The following ABLIM3 variants were observed in gnomAD, a reference collection of about 807,000 sequenced individuals.
ABLIM3 encodes actin-binding LIM protein 3.
In ABLIM3, 61 loss-of-function variants were observed where a neutral mutation model predicts 109.5. The ratio of observed to expected loss-of-function variants is 0.56; its 90% CI spans 0.45 to 0.69. The LOEUF (loss-of-function observed/expected upper bound fraction) is 0.69, where lower values mean the gene tolerates loss of function less well. Among genes scored for constraint, ABLIM3 ranks in the 30% least tolerant of loss-of-function variants. The pLI is 0.00. For missense variants in ABLIM3, 796 were observed against 889.5 expected (o/e 0.89, Z 1.34); for synonymous variants, 300 against 324.8 (o/e 0.92, Z 0.82).
chr5:149,155,464 T>C (rs548970792), intron 2 of ABLIM3, among the ~76,000 whole-genome samples: 2 of 152,230 alleles, frequency 1.3e-5, no homozygotes, highest in East Asian at 3.9e-4. Context: ...AGATAAACCA[T>C]GGCGGGTGCT....
chr5:149,210,837 A>T lies in ABLIM3; in HGVS notation c.669+18A>T. The T allele has an allele frequency of 6.2e-7, 1 of 1,610,584 alleles. No homozygotes were observed. The highest frequency in any genetic ancestry group is 8.5e-7 in the Non-Finnish European group (1 of 1,176,792). On this transcript the variant is annotated intron_variant, in intron 7 of 23. Transcript: ENST00000309868. ...TCTTGGAGGTGAGTGGGTATAAGTA[A>T]CCGTGAAGATGTGGCAGGGTGATCT...
At chr5:149,217,388 G>T in intron 8 of ABLIM3, 1 of 318,474 alleles carries the variant, frequency 3.1e-6, no homozygotes, top group South Asian at 4.3e-5. Context: ...GAACCTCAGA[G>T]GGATGCCTGG....
chr5:149,252,288 A>G, intron 22 of ABLIM3, 80 bp downstream of exon 22: 15 of 1,523,306 alleles, frequency 9.8e-6, no homozygotes, highest in Non-Finnish European at 1.4e-5. Flanking sequence ...GGATGACAGC[A>G]CTGTCTATGT....
chr5:149,212,976 A>C (rs1759706850), intron 7 of ABLIM3, among the ~76,000 whole-genome samples: 1 of 151,986 alleles, frequency 6.6e-6, no homozygotes, highest in Non-Finnish European at 1.5e-5. Context: ...AATAAACAAA[A>C]CTAGCCAGGC....
chr5:149,251,262 C>T, intron 20 of ABLIM3, 97 bp from the exon 21 acceptor site: 1 of 1,388,306 alleles, frequency 7.2e-7, no homozygotes, highest in Non-Finnish European at 1.0e-6. Context: ...GCCCTATGTC[C>T]CACAAGCGCC....
At chr5:149,175,443 A>T (rs1755839379) in intron 2 of ABLIM3, among the ~76,000 whole-genome samples, 1 of 152,204 alleles carries the variant, frequency 6.6e-6, no homozygotes, top group African/African-American at 2.4e-5. Context: ...GAGGGCAGAA[A>T]GGGCTTCTTT....
intron 5 of ABLIM3, chr5:149,200,698 G>A (rs548187657): frequency 9.9e-5 from 47 of 475,888 alleles, no homozygotes; most frequent in Non-Finnish European, 1.5e-4. Flanking sequence ...GACAAGCTGA[G>A]TTCCTGATCT....
At chr5:149,196,557 C>T (rs892686603) in intron 3 of ABLIM3, among the ~76,000 whole-genome samples, 3 of 152,216 alleles carry the variant, frequency 2.0e-5, no homozygotes, top group Non-Finnish European at 1.5e-5. Context: ...AGCACCTGGC[C>T]TCTCAGAGGC....
At chr5:149,145,576 C>T (rs2127426175) in intron 2 of ABLIM3, among the ~76,000 whole-genome samples, 1 of 152,252 alleles carries the variant, frequency 6.6e-6, no homozygotes, top group Middle Eastern at 3.4e-3. Flanking sequence ...AAATTGCTTT[C>T]CACAGTGGCT....
At chr5:149,220,239 A>C (rs1183899364) in intron 8 of ABLIM3, 1 of 152,254 alleles carries the variant, frequency 6.6e-6, no homozygotes, top group African/African-American at 2.4e-5. Context: ...TCACAGCCTC[A>C]CAGGTTAGTG....
intron 17 of ABLIM3, among the ~76,000 whole-genome samples, chr5:149,247,443 G>T (rs1753490386): frequency 6.6e-6 from 1 of 152,184 alleles, no homozygotes; most frequent in Non-Finnish European, 1.5e-5. Flanking sequence ...TGGTTAATTT[G>T]AAGTTAAGTA....
At chr5:149,211,259 C>T in intron 7 of ABLIM3, among the ~76,000 whole-genome samples, 1 of 151,972 alleles carries the variant, frequency 6.6e-6, no homozygotes, top group East Asian at 1.9e-4. Context: ...TCCCTAAGCC[C>T]TTCTTTGGTG....
chr5:149,221,795 A>C (rs1760678191), intron 8 of ABLIM3, among the ~76,000 whole-genome samples: 3 of 152,124 alleles, frequency 2.0e-5, no homozygotes, highest in Admixed American at 6.5e-5. Context: ...GTTTTTTTAA[A>C]ATCCCAAATG....
intron 23 of ABLIM3, among the ~76,000 whole-genome samples, chr5:149,255,980 G>A (rs997796325): frequency 1.3e-5 from 2 of 152,242 alleles, no homozygotes; most frequent in East Asian, 3.8e-4. Flanking sequence ...TTGAAGTTCA[G>A]GAGGGGTTAG....
chr5:149,241,544 A>T lies in ABLIM3; in HGVS notation c.1303+770A>T, dbSNP rs1008687493. Among the ~76,000 whole-genome samples, 6 of 152,184 alleles carry T rather than the reference A, an allele frequency of 3.9e-5. No homozygotes were observed. In the East Asian group the frequency reaches 1.2e-3, roughly 29 times the overall value. On this transcript the variant is annotated intron_variant, in intron 14 of 23. Coordinates refer to ENST00000309868, the MANE Select transcript of ABLIM3 (RefSeq NM_014945.5). ...GGGAGGCCGAGGCGTGTGGGTCATGAGATCAGGAGTTCGAGACCAACCTGT... is the reference window on the plus strand; with the variant it reads ...GGGAGGCCGAGGCGTGTGGGTCATGTGATCAGGAGTTCGAGACCAACCTGT...
chr5:149,207,944 C>T (rs1759159022), intron 6 of ABLIM3, among the ~76,000 whole-genome samples: 1 of 152,252 alleles, frequency 6.6e-6, no homozygotes, highest in Non-Finnish European at 1.5e-5. Flanking sequence ...ATTATCAGCA[C>T]AGATCCTTTG....
chr5:149,213,222 C>T (rs1437041128), intron 7 of ABLIM3, among the ~76,000 whole-genome samples: 1 of 152,150 alleles, frequency 6.6e-6, no homozygotes, highest in African/African-American at 2.4e-5. Flanking sequence ...ATAGCACCAC[C>T]AGAGTCCTCA....
chr5:149,222,249 C>T (rs1306451654), intron 8 of ABLIM3, among the ~76,000 whole-genome samples: 2 of 151,892 alleles, frequency 1.3e-5, no homozygotes, highest in African/African-American at 2.4e-5. Flanking sequence ...CCATTTTATC[C>T]TCACGACAAC....
intron 8 of ABLIM3, among the ~76,000 whole-genome samples, chr5:149,225,992 ATAT>A (rs1761214916): frequency 8.3e-5 from 2 of 24,082 alleles, no homozygotes; most frequent in African/African-American, 4.2e-4. Context: ...GTATATATAT[ATAT>A]ATATATATAT....
Sources: allele counts gnomAD v4.1 joint callset (sites outside exome capture counted in the v4.1 genomes callset), GRCh38; gene constraint gnomAD v4.1.1; transcripts MANE v1.5; gene names NCBI Gene and HGNC (gene_info 2026-07-23, HGNC 2026-07-21).